The following LINS1 variants were observed in gnomAD, a reference collection of about 807,000 sequenced individuals.
LINS1 encodes lines homolog 1.
A neutral mutation model predicts 41.6 loss-of-function variants in LINS1; 27 were observed. The ratio of observed to expected loss-of-function variants is 0.65; its 90% CI spans 0.48 to 0.89. LINS1 has a LOEUF of 0.89. LINS1 is among the 40% of genes least tolerant of loss of function. LINS1 has a pLI of 0.00. For missense variants in LINS1, 955 were observed against 884.1 expected, an observed-to-expected ratio of 1.08 and a Z score of -1.02; for synonymous variants, 336 against 312.9, an observed-to-expected ratio of 1.07 and a Z score of -0.78.
intron 1 of LINS1, among the ~76,000 whole-genome samples, chr15:100,581,649 T>C (rs2038550451): frequency 6.6e-6 from 1 of 152,184 alleles, no homozygotes. Context: ...CTGAATATCA[T>C]GACAATGGAA....
rs1174291068 is a variant in LINS1 at position 100,568,686 on chromosome 15, G to A, written c.*552C>T. 6.5e-6 allele frequency: 1 copy of A among 153,250 alleles called. No individual in the cohort carries two copies. The highest frequency in any genetic ancestry group is 1.5e-5 in the Non-Finnish European group (1 of 68,798). 9.5% of individuals were successfully genotyped at this position (153,250 alleles called of 1,614,324 possible). On this transcript the variant is annotated 3_prime_UTR_variant, in exon 7 of 7. Coordinates refer to ENST00000314742, the MANE Select transcript of LINS1 (RefSeq NM_001040616.3). ...AAGTTGTTACGGCAGCCCTAGCTGA[G>A]GAACGCAATCACCACCCCCGATTTT...
chr15:100,585,389 G>C (rs1210032684), intron 1 of LINS1, among the ~76,000 whole-genome samples: 1 of 152,212 alleles, frequency 6.6e-6, no homozygotes, highest in Non-Finnish European at 1.5e-5. Flanking sequence ...GGGAAAGTGG[G>C]ATGGTGTTGC....
chr15:100,573,327 AG>A, intron 5 of LINS1: 3 of 1,038,450 alleles, frequency 2.9e-6, no homozygotes, highest in South Asian at 6.8e-5. Flanking sequence ...AAAAAAAAAA[AG>A]GATTAATATA....
At chr15:100,584,725 T>G (rs2038721665) in intron 1 of LINS1, among the ~76,000 whole-genome samples, 1 of 152,118 alleles carries the variant, frequency 6.6e-6, no homozygotes, top group Non-Finnish European at 1.5e-5. Context: ...GACCTGGGCG[T>G]CCTCCAATTC....
At chr15:100,596,135 G>A (rs117659700) in intron 1 of LINS1, among the ~76,000 whole-genome samples, 2,373 of 152,272 alleles carry the variant, frequency 0.016, 36 homozygotes, top group Non-Finnish European at 0.022. Context: ...TCCAGGAACT[G>A]CCAGCTCTCT....
chr15:100,599,851 A>G (rs1232968976), intron 1 of LINS1, among the ~76,000 whole-genome samples: 2 of 152,162 alleles, frequency 1.3e-5, no homozygotes, highest in African/African-American at 4.8e-5. Context: ...GGATCACCTG[A>G]GGTCAGAGGT....
Position 100,573,792 on chromosome 15 carries a change from A to G in LINS1, c.1081T>C (p.Phe361Leu). ...GGTTGAACTTCATCACCTCCAAAAA[A>G]GGAATGTTTTTCATAAACAGACAGT... The part of the protein sequence containing the change: ...KTLSVYEKHS[F>L]FGGDEVQPEC... The change falls in exon 5 of 7, where the codon TTT becomes CTT. Residue 361 changes from phenylalanine to leucine, a missense_variant. Transcript: ENST00000314742. The G allele has an allele frequency of 6.2e-7, 1 of 1,614,234 alleles. No individual in the cohort carries two copies. The highest frequency in any genetic ancestry group is 8.5e-7 in the Non-Finnish European group (1 of 1,180,034).
chr15:100,586,926 C>T (rs2038825494), intron 1 of LINS1, among the ~76,000 whole-genome samples: 2 of 152,000 alleles, frequency 1.3e-5, no homozygotes, highest in South Asian at 2.1e-4. Flanking sequence ...ACTTGGGAGC[C>T]AAGGCGGGCA....
At chr15:100,601,685 T>C (rs1336725746) in intron 1 of LINS1, among the ~76,000 whole-genome samples, 1 of 152,128 alleles carries the variant, frequency 6.6e-6, no homozygotes, top group African/African-American at 2.4e-5. Flanking sequence ...TTGTTCACTG[T>C]TGTCTCCCCA....
At chr15:100,600,808 C>T (rs1479688762) in intron 1 of LINS1, among the ~76,000 whole-genome samples, 1 of 152,180 alleles carries the variant, frequency 6.6e-6, no homozygotes, top group African/African-American at 2.4e-5. Context: ...CAACTGCAAC[C>T]GATCCCTTCC....
Position 100,592,917 on chromosome 15 carries a change from C to T in LINS1, c.-104+9204G>A, listed in dbSNP as rs538340069. On this transcript the variant is annotated intron_variant, in intron 1 of 6. Transcript: ENST00000314742. The stretch of plus-strand genomic sequence containing the variant: ...TTTAAAATAAATGTCCGTGGGTAGC[C>T]CATTGGAATTGAAAACTGTAGTTTG... 2.0e-5 allele frequency among the ~76,000 whole-genome samples: 3 copies of T among 152,214 alleles called. No homozygotes were observed. In the East Asian group the frequency reaches 5.8e-4, roughly 29 times the overall value.
At chr15:100,600,750 A>G (rs1596984220) in intron 1 of LINS1, among the ~76,000 whole-genome samples, 2 of 152,324 alleles carry the variant, frequency 1.3e-5, no homozygotes, top group Non-Finnish European at 2.9e-5. Flanking sequence ...GACAAAAATT[A>G]AAAAGCTGAA....
intron 3 of LINS1, among the ~76,000 whole-genome samples, chr15:100,578,555 G>T (rs61361579): frequency 0.035 from 5,331 of 152,238 alleles, 277 homozygotes; most frequent in African/African-American, 0.12. Context: ...GGAAAAATAG[G>T]AACACTTTTA....
intron 1 of LINS1, among the ~76,000 whole-genome samples, chr15:100,583,084 T>C (rs1463570419): frequency 1.3e-5 from 2 of 151,400 alleles, no homozygotes; most frequent in African/African-American, 2.4e-5. Context: ...GTCTACACTA[T>C]GGCCTACTAG....
At chr15:100,588,755 A>G (rs1440802335) in intron 1 of LINS1, among the ~76,000 whole-genome samples, 1 of 152,232 alleles carries the variant, frequency 6.6e-6, no homozygotes, top group African/African-American at 2.4e-5. Flanking sequence ...CTTGTATGAT[A>G]AATTCTTGTC....
intron 1 of LINS1, among the ~76,000 whole-genome samples, chr15:100,587,226 C>T (rs1014846943): frequency 6.7e-5 from 10 of 149,100 alleles, no homozygotes; most frequent in Non-Finnish European, 8.9e-5. Flanking sequence ...AGCCTGAAGC[C>T]GGATTTAGTG....
intron 5 of LINS1, 50 bp from the exon 6 acceptor site, chr15:100,572,115 G>A (rs770529726): frequency 5.0e-6 from 8 of 1,605,594 alleles, no homozygotes; most frequent in Non-Finnish European, 6.8e-6. Context: ...ATGAATGAAT[G>A]AATATCTTGC....
At chr15:100,571,169 CAAGT>C (rs1452807730) in intron 6 of LINS1, among the ~76,000 whole-genome samples, 1 of 152,174 alleles carries the variant, frequency 6.6e-6, no homozygotes, top group Non-Finnish European at 1.5e-5. Flanking sequence ...TGTCATAATA[CAAGT>C]AAGTACTGGC....
chr15:100,569,504 T>C lies in LINS1; in HGVS notation c.2008A>G (p.Lys670Glu), dbSNP rs1230386872. 2 of 1,614,248 alleles carry C rather than the reference T, an allele frequency of 1.2e-6. No homozygotes were observed. Among genetic ancestry groups the C allele is most frequent in the Admixed American group, 3.3e-5 (2 of 60,028 alleles). Residue 670 changes from lysine to glutamate, a missense_variant, in exon 7 of 7, where the codon AAA becomes GAA. Coordinates refer to ENST00000314742, the MANE Select transcript of LINS1 (RefSeq NM_001040616.3). The part of the protein sequence containing the change: ...IQDAAGTSRD[K>E]KEFSLEPPSR... The stretch of plus-strand genomic sequence containing the variant: ...GGAGGCTCAAGGCTAAATTCTTTTT[T>C]ATCCCTGCTTGTCCCAGCTGCATCC...
Sources: gnomAD v4.1 joint callset for allele counts (sites outside exome capture counted in the v4.1 genomes callset) on GRCh38, gnomAD v4.1.1 for gene constraint, MANE v1.5 for transcripts, NCBI Gene and HGNC (gene_info 2026-07-23, HGNC 2026-07-21) for gene names.